KCNB2: variants seen among roughly 807,000 people sequenced by gnomAD.
KCNB2 encodes the protein delayed rectifier potassium channel protein.
Under a neutral mutation model 61.5 loss-of-function variants are expected in KCNB2, and 15 were observed. The ratio of observed to expected loss-of-function variants is 0.24; its 90% CI spans 0.16 to 0.38. The LOEUF (loss-of-function observed/expected upper bound fraction) is 0.38, where lower values mean the gene tolerates loss of function less well. Ranked by LOEUF, KCNB2 falls within the 10% of genes least tolerant of loss-of-function variation. The pLI, the probability that KCNB2 is intolerant of heterozygous loss-of-function variation, is 1.00. For missense variants in KCNB2, 828 were observed against 1,125.2 expected (o/e 0.74, Z 3.78); for synonymous variants, 457 against 446.0 (o/e 1.02, Z -0.31).
intron 2 of KCNB2, among the ~76,000 whole-genome samples, chr8:72,765,469 G>A (rs1808446058): frequency 6.6e-6 from 1 of 152,190 alleles, no homozygotes; most frequent in African/African-American, 2.4e-5. Flanking sequence ...ACCACAGTGA[G>A]TGTAGTCATA....
intron 2 of KCNB2, among the ~76,000 whole-genome samples, chr8:72,653,914 T>A (rs1240955731): frequency 6.6e-6 from 1 of 152,332 alleles, no homozygotes; most frequent in African/African-American, 2.4e-5. Flanking sequence ...GAGAAAGATA[T>A]CTGGGTTCTT....
At chr8:72,649,328 A>G (rs961086793) in intron 2 of KCNB2, among the ~76,000 whole-genome samples, 3 of 152,166 alleles carry the variant, frequency 2.0e-5, no homozygotes, top group African/African-American at 4.8e-5. Flanking sequence ...CACTTAAAGG[A>G]TTCAATATCA....
intron 2 of KCNB2, among the ~76,000 whole-genome samples, chr8:72,709,280 A>G (rs1224615048): frequency 3.3e-5 from 5 of 152,212 alleles, no homozygotes; most frequent in Non-Finnish European, 1.5e-5. Flanking sequence ...TTTTAAATTT[A>G]CATTGGCATG....
At chr8:72,887,660 A>G (rs1282165633) in intron 2 of KCNB2, among the ~76,000 whole-genome samples, 1 of 152,194 alleles carries the variant, frequency 6.6e-6, no homozygotes, top group Non-Finnish European at 1.5e-5. Context: ...GTTCCCAGAG[A>G]TATTTCAAGC....
chr8:72,836,699 T>C (rs1289447147), intron 2 of KCNB2, among the ~76,000 whole-genome samples: 2 of 152,150 alleles, frequency 1.3e-5, no homozygotes, highest in Non-Finnish European at 2.9e-5. Context: ...TTGCCTGAGC[T>C]CAGGAGTTCG....
intron 2 of KCNB2, among the ~76,000 whole-genome samples, chr8:72,769,814 G>A (rs1216343194): frequency 6.6e-6 from 1 of 152,136 alleles, no homozygotes; most frequent in East Asian, 1.9e-4. Flanking sequence ...TCTGGCTTTG[G>A]CAAGAAGTGA....
intron 2 of KCNB2, among the ~76,000 whole-genome samples, chr8:72,742,305 A>G (rs1807973494): frequency 6.6e-6 from 1 of 152,218 alleles, no homozygotes; most frequent in South Asian, 2.1e-4. Context: ...AATTCAGCAC[A>G]GGTCTGTAAA....
chr8:72,819,543 T>C (rs1413909844), intron 2 of KCNB2, among the ~76,000 whole-genome samples: 1 of 152,104 alleles, frequency 6.6e-6, no homozygotes, highest in Non-Finnish European at 1.5e-5. Flanking sequence ...ATAATATCAA[T>C]AGGAATAGGA....
chr8:72,785,492 G>A (rs1418527438), intron 2 of KCNB2, among the ~76,000 whole-genome samples: 1 of 152,096 alleles, frequency 6.6e-6, no homozygotes, highest in East Asian at 1.9e-4. Context: ...AGAAAATAAA[G>A]TTAATCAAGT....
intron 2 of KCNB2, among the ~76,000 whole-genome samples, chr8:72,904,484 G>A (rs1289879337): frequency 3.3e-5 from 5 of 151,956 alleles, no homozygotes; most frequent in African/African-American, 4.8e-5. Context: ...TATGTGACAA[G>A]CCTGCACATC....
intron 2 of KCNB2, among the ~76,000 whole-genome samples, chr8:72,795,802 T>A (rs762295625): frequency 1.6e-4 from 25 of 152,208 alleles, no homozygotes; most frequent in Non-Finnish European, 2.4e-4. Context: ...TTGTTCATAC[T>A]GATGGTAAAG....
At chr8:72,555,492 C>T (rs1417233624) in intron 1 of KCNB2, among the ~76,000 whole-genome samples, 2 of 151,308 alleles carry the variant, frequency 1.3e-5, no homozygotes, top group Non-Finnish European at 2.9e-5. Flanking sequence ...TATTTTACAC[C>T]GACATGTTCT....
At chr8:72,905,268 T>C (rs777355501) in intron 2 of KCNB2, among the ~76,000 whole-genome samples, 45 of 152,182 alleles carry the variant, frequency 3.0e-4, no homozygotes, top group Non-Finnish European at 5.1e-4. Flanking sequence ...AACAGAGTTT[T>C]ATCAAGGATT....
chr8:72,598,285 G>A (rs1807232764), intron 2 of KCNB2, among the ~76,000 whole-genome samples: 1 of 151,830 alleles, frequency 6.6e-6, no homozygotes. Context: ...CAGATGCAAG[G>A]CTGGTTCAAC....
chr8:72,733,666 T>A (rs1215992119), intron 2 of KCNB2, among the ~76,000 whole-genome samples: 1 of 152,106 alleles, frequency 6.6e-6, no homozygotes, highest in Non-Finnish European at 1.5e-5. Context: ...ATGTTGACAC[T>A]CCAAAACCAT....
intron 2 of KCNB2, among the ~76,000 whole-genome samples, chr8:72,614,956 G>A (rs913850576): frequency 1.3e-5 from 2 of 152,112 alleles, no homozygotes; most frequent in African/African-American, 4.8e-5. Flanking sequence ...TATTGTCCCT[G>A]GGAGGCAGGA....
intron 2 of KCNB2, among the ~76,000 whole-genome samples, chr8:72,621,334 C>A (rs1306889189): frequency 6.6e-6 from 1 of 152,156 alleles, no homozygotes; most frequent in African/African-American, 2.4e-5. Flanking sequence ...TCAAATCCCC[C>A]AGTCCAGATC....
intron 2 of KCNB2, among the ~76,000 whole-genome samples, chr8:72,660,370 C>A (rs1806358967): frequency 6.6e-6 from 1 of 152,148 alleles, no homozygotes; most frequent in African/African-American, 2.4e-5. Context: ...GTCCTTACCC[C>A]ATCAGGGTGG....
intron 2 of KCNB2, among the ~76,000 whole-genome samples, chr8:72,921,264 C>T (rs546536765): frequency 6.6e-6 from 1 of 152,214 alleles, no homozygotes; most frequent in South Asian, 2.1e-4. Context: ...GTTTTCTATT[C>T]TACTCTCATC....
Sources: gnomAD v4.1 joint callset for allele counts (sites outside exome capture counted in the v4.1 genomes callset) on GRCh38, gnomAD v4.1.1 for gene constraint, MANE v1.5 for transcripts, NCBI Gene and HGNC (gene_info 2026-07-23, HGNC 2026-07-21) for gene names.